Variants in AFF2 observed in about 807,000 individuals in gnomAD.
The protein encoded by AFF2 is ALF transcription elongation factor 2.
A neutral mutation model predicts 76.9 loss-of-function variants in AFF2; 14 were observed. The ratio of observed to expected loss-of-function variants is 0.18; its 90% CI spans 0.12 to 0.28. The LOEUF is 0.28. Among genes scored for constraint, AFF2 ranks in the 10% least tolerant of loss-of-function variants. AFF2 has a pLI of 1.00. For missense variants in AFF2, 868 were observed against 1,001.1 expected (o/e 0.87, Z 1.79); for synonymous variants, 398 against 366.7 (o/e 1.09, Z -0.98).
chrX:148,509,339 G>T (rs1235828500), intron 1 of AFF2, among the ~76,000 whole-genome samples: 1 of 111,505 alleles, frequency 9.0e-6, no homozygotes, highest in East Asian at 2.8e-4. Context: ...AGGGGACCCG[G>T]AGCATTGAAT....
intron 1 of AFF2, among the ~76,000 whole-genome samples, chrX:148,508,816 T>A (rs1344750193): frequency 9.0e-6 from 1 of 111,568 alleles, no homozygotes; most frequent in Non-Finnish European, 1.9e-5. Flanking sequence ...GCTGCCAAAG[T>A]GCTTGGCTTT....
intron 1 of AFF2, among the ~76,000 whole-genome samples, chrX:148,648,744 C>G (rs2054172519): frequency 9.1e-6 from 1 of 110,282 alleles, no homozygotes; most frequent in Middle Eastern, 4.2e-3. Flanking sequence ...AAAAGGTAAC[C>G]TGGAGAGAGA....
intron 9 of AFF2, among the ~76,000 whole-genome samples, chrX:148,920,054 T>C (rs947403156): frequency 1.1e-4 from 12 of 112,221 alleles, no homozygotes; most frequent in Admixed American, 2.8e-4. Context: ...AAAAAAAACA[T>C]ACGGTAGTGT....
rs1365198389 is a variant in AFF2, at chrX:148,885,935, G to C, written c.1309G>C (p.Glu437Gln). 10 of 1,208,716 alleles carry C rather than the reference G, an allele frequency of 8.3e-6. No homozygotes were observed. The African/African-American group carries it at 1.2e-4, about 15-fold the overall frequency. ...GCTGAGCAGTGATGAAGATGACCTT[G>C]AGCCTGTGAAGACCTTGACCACTCA... is the stretch of plus-strand genomic sequence containing the variant. Reference protein sequence around the residue: ...LKLSSDEDDLEPVKTLTTQCT... With the variant: ...LKLSSDEDDLQPVKTLTTQCT... The change falls in exon 8 of 21, where the codon GAG (glutamate) becomes CAG (glutamine). Residue 437 changes from glutamate (E) to glutamine (Q), a missense_variant. Physicochemically the swap from Glu to Gln is conservative, Grantham distance 29. This residue lies in a region of AFF2 where 532 missense variants were observed against 564.2 expected (regional missense o/e 0.94). Coordinates refer to ENST00000370460, the MANE Select transcript of AFF2 (RefSeq NM_002025.4).
chrX:148,738,952 TC>T (rs1268086904), intron 3 of AFF2, among the ~76,000 whole-genome samples: 2 of 112,244 alleles, frequency 1.8e-5, no homozygotes, highest in Non-Finnish European at 3.8e-5. Context: ...GGAGTTGATT[TC>T]CAGTTTTATT....
chrX:148,768,449 G>A (rs1239313719), intron 3 of AFF2, among the ~76,000 whole-genome samples: 1 of 110,679 alleles, frequency 9.0e-6, no homozygotes, highest in Non-Finnish European at 1.9e-5. Flanking sequence ...GCCTTCAGAC[G>A]TGAAGCCTGC....
At chrX:148,912,235 G>A (rs781877251) in intron 9 of AFF2, among the ~76,000 whole-genome samples, 6 of 111,974 alleles carry the variant, frequency 5.4e-5, no homozygotes, top group African/African-American at 9.7e-5. Flanking sequence ...TACGTGTGCC[G>A]TGGTCATTTG....
chrX:148,564,239 A>G (rs1442306788), intron 1 of AFF2, among the ~76,000 whole-genome samples: 5 of 111,254 alleles, frequency 4.5e-5, no homozygotes, highest in Non-Finnish European at 5.7e-5. Flanking sequence ...TCAATCCCAG[A>G]TAAGTTTTAA....
At chrX:148,802,894 T>A (rs1212098771) in intron 3 of AFF2, among the ~76,000 whole-genome samples, 4 of 112,340 alleles carry the variant, frequency 3.6e-5, no homozygotes, top group African/African-American at 1.3e-4. Flanking sequence ...ATATCTTTTT[T>A]ATATATTTAG....
At chrX:148,952,783 G>T (rs1603347115) in intron 9 of AFF2, among the ~76,000 whole-genome samples, 1 of 111,950 alleles carries the variant, frequency 8.9e-6, no homozygotes, top group Non-Finnish European at 1.9e-5. Context: ...ATTACAGCTG[G>T]TTGCTCTCTT....
At chrX:148,967,332 A>G (rs2072192536) in intron 14 of AFF2, among the ~76,000 whole-genome samples, 1 of 111,299 alleles carries the variant, frequency 9.0e-6, no homozygotes, top group Non-Finnish European at 1.9e-5. Flanking sequence ...TTTCCTATCC[A>G]TGTCCTCACA....
intron 3 of AFF2, among the ~76,000 whole-genome samples, chrX:148,737,994 T>A (rs1219771634): frequency 1.8e-5 from 2 of 111,831 alleles, no homozygotes; most frequent in Admixed American, 9.5e-5. Context: ...GATTATCTTT[T>A]TAATATGTTG....
At chrX:148,870,537 C>T (rs138214056) in intron 7 of AFF2, among the ~76,000 whole-genome samples, 22 of 111,858 alleles carry the variant, frequency 2.0e-4, no homozygotes, top group African/African-American at 6.8e-4. Flanking sequence ...CAAGAGAACT[C>T]GCTCAAGACC....
intron 3 of AFF2, among the ~76,000 whole-genome samples, chrX:148,793,524 A>C (rs1557270129): frequency 8.9e-6 from 1 of 111,815 alleles, no homozygotes; most frequent in Non-Finnish European, 1.9e-5. Context: ...CTGCTTCCCA[A>C]GAGAATACAG....
intron 1 of AFF2, among the ~76,000 whole-genome samples, chrX:148,508,595 A>C (rs2052449565): frequency 8.9e-6 from 1 of 111,787 alleles, no homozygotes; most frequent in Non-Finnish European, 1.9e-5. Context: ...CAACCTGACT[A>C]TCTGTTGAAC....
At chrX:148,967,813 A>G (rs782230411) in intron 15 of AFF2, 121 bp downstream of exon 15, 1 of 549,306 alleles carries the variant, frequency 1.8e-6, no homozygotes, top group South Asian at 3.2e-5. Context: ...CTGTCAACAC[A>G]TTGCTGCCCT....
At chrX:148,599,468 A>C (rs1369493870) in intron 1 of AFF2, among the ~76,000 whole-genome samples, 1 of 110,752 alleles carries the variant, frequency 9.0e-6, no homozygotes, top group Non-Finnish European at 1.9e-5. Flanking sequence ...TCTGCTTGGC[A>C]TGGGGTTCTC....
At chrX:148,684,809 C>T (rs782110832) in intron 3 of AFF2, among the ~76,000 whole-genome samples, 5 of 112,089 alleles carry the variant, frequency 4.5e-5, no homozygotes, top group Admixed American at 9.5e-5. Context: ...TGCACATTGT[C>T]GTAGAATAAG....
intron 1 of AFF2, among the ~76,000 whole-genome samples, chrX:148,502,445 C>G (rs2052364045): frequency 8.9e-6 from 1 of 112,448 alleles, no homozygotes; most frequent in Admixed American, 9.4e-5. Context: ...ATAGTCAGAA[C>G]TTAAATACAT....
Sources: allele counts gnomAD v4.1 joint callset (sites outside exome capture counted in the v4.1 genomes callset), GRCh38; gene constraint gnomAD v4.1.1; regional missense constraint gnomAD v4.1.1; transcripts MANE v1.5; gene names NCBI Gene and HGNC (gene_info 2026-07-23, HGNC 2026-07-21).